The following DCBLD1 variants were observed in gnomAD, a reference collection of about 807,000 sequenced individuals.
DCBLD1 encodes the protein discoidin, CUB and LCCL domain-containing protein 1.
Under a neutral mutation model 71.5 loss-of-function variants are expected in DCBLD1, and 57 were observed. The ratio of observed to expected loss-of-function variants is 0.80; its 90% CI spans 0.64 to 0.99. The LOEUF (loss-of-function observed/expected upper bound fraction) is 0.99, where lower values mean the gene tolerates loss of function less well. DCBLD1 is among the 50% of genes least tolerant of loss of function. DCBLD1 has a pLI of 0.00. For missense variants in DCBLD1, 891 were observed against 923.5 expected, an observed-to-expected ratio of 0.96 and a Z score of 0.46; for synonymous variants, 380 against 363.8, an observed-to-expected ratio of 1.04 and a Z score of -0.51.
chr6:117,525,493 C>A, intron 5 of DCBLD1, 59 bp downstream of exon 5: 2 of 1,248,358 alleles, frequency 1.6e-6, no homozygotes, highest in Non-Finnish European at 2.1e-6. Flanking sequence ...CTTTACTCTG[C>A]CTAAATTAAT....
downstream of DCBLD1, among the ~76,000 whole-genome samples, chr6:117,550,779 G>A (rs570323090): frequency 1.4e-3 from 220 of 152,246 alleles, no homozygotes; most frequent in African/African-American, 4.7e-3. Flanking sequence ...TGTGGCCACC[G>A]GGTTGACCTC....
At chr6:117,544,306 ATTC>A (rs1415118220) in intron 12 of DCBLD1, 29 of 466,992 alleles carry the variant, frequency 6.2e-5, no homozygotes, top group Non-Finnish European at 8.9e-5. Flanking sequence ...ATTAGTATAT[ATTC>A]TTCTAGTGAA....
chr6:117,552,195 A>G (rs1779438979), downstream of DCBLD1, among the ~76,000 whole-genome samples: 1 of 152,164 alleles, frequency 6.6e-6, no homozygotes, highest in South Asian at 2.1e-4. Flanking sequence ...TTAACTGGAG[A>G]TTTAATCTTT....
At chr6:117,509,670 G>A (rs1015762327) in intron 2 of DCBLD1, among the ~76,000 whole-genome samples, 3 of 151,378 alleles carry the variant, frequency 2.0e-5, no homozygotes, top group African/African-American at 7.3e-5. Context: ...TGTTAATATT[G>A]TTTGTCTAAG....
chr6:117,504,935 C>G (rs1777789555), intron 2 of DCBLD1, among the ~76,000 whole-genome samples: 1 of 152,186 alleles, frequency 6.6e-6, no homozygotes, highest in African/African-American at 2.4e-5. Context: ...ACACACACAG[C>G]TTTCTCACCT....
chr6:117,558,754 A>G (rs1779529347), intron 14 of DCBLD1, among the ~76,000 whole-genome samples: 1 of 152,146 alleles, frequency 6.6e-6, no homozygotes, highest in Admixed American at 6.5e-5. Context: ...GCCTGACTGA[A>G]CCTAGGAGTC....
chr6:117,548,244 C>CT lies in DCBLD1; in HGVS notation c.1954dup (p.Tyr652LeufsTer31). The CT allele has an allele frequency of 6.4e-7, 1 of 1,550,630 alleles. No homozygotes were observed. The highest frequency in any genetic ancestry group is 8.7e-7 in the Non-Finnish European group (1 of 1,146,992). On this transcript the variant is annotated frameshift_variant, in exon 15 of 15. Coordinates refer to ENST00000338728, the MANE Select transcript of DCBLD1 (RefSeq NM_001366458.2). LOFTEE classifies it low-confidence loss of function (END_TRUNC). ...CGGGTGTGGGCGCCCAGGACGGAGA[C>CT]TATCAAAGGCCACACAGCGCACAGC...
chr6:117,549,780 A>G lies in DCBLD1; in HGVS notation c.*1341A>G, dbSNP rs1171646112. 5.1e-6 allele frequency: 5 copies of G among 985,274 alleles called. No homozygotes were observed. The highest frequency in any genetic ancestry group is 6.0e-6 in the Non-Finnish European group (5 of 829,940). 61.0% of individuals were successfully genotyped at this position (985,274 alleles called of 1,614,324 possible). A position where few individuals can be genotyped will look rare whatever the true frequency, so the allele number is the denominator to read the frequency against. ...GTTTTATGCGCACACTAATTGTAAT[A>G]AACTATGCCAAACCAAACTGCCCCT... On this transcript the variant is annotated 3_prime_UTR_variant, in exon 15 of 15. Transcript: ENST00000338728.
At chr6:117,538,146 A>G (rs1033493858) in intron 7 of DCBLD1, among the ~76,000 whole-genome samples, 3 of 152,210 alleles carry the variant, frequency 2.0e-5, no homozygotes, top group Non-Finnish European at 4.4e-5. Flanking sequence ...GGCATGGTAT[A>G]GTTAAGGTCC....
intron 1 of DCBLD1, among the ~76,000 whole-genome samples, chr6:117,484,071 G>A (rs965210815): frequency 1.3e-5 from 2 of 152,126 alleles, no homozygotes; most frequent in African/African-American, 4.8e-5. Context: ...TAATAAATAC[G>A]TAAGATTTTG....
chr6:117,563,479 TG>T (rs1230673742), intron 14 of DCBLD1: 1 of 1,208,052 alleles, frequency 8.3e-7, no homozygotes, highest in Non-Finnish European at 1.2e-6. Flanking sequence ...CCCAGCACTT[TG>T]AGAGGCCAAG....
chr6:117,496,646 A>T (rs1443639533), intron 1 of DCBLD1, among the ~76,000 whole-genome samples: 2 of 152,114 alleles, frequency 1.3e-5, no homozygotes, highest in Non-Finnish European at 2.9e-5. Context: ...ACCTGTTGTA[A>T]CTTGAATATT....
intron 1 of DCBLD1, among the ~76,000 whole-genome samples, chr6:117,495,398 A>T (rs1389744601): frequency 6.6e-6 from 1 of 152,224 alleles, no homozygotes; most frequent in Non-Finnish European, 1.5e-5. Flanking sequence ...GTAGCAGTTA[A>T]CATATTGAAT....
At chr6:117,498,140 A>C (rs1184990772) in intron 1 of DCBLD1, among the ~76,000 whole-genome samples, 2 of 152,200 alleles carry the variant, frequency 1.3e-5, no homozygotes, top group African/African-American at 4.8e-5. Flanking sequence ...TACATAGATC[A>C]CTTTGGGAGT....
chr6:117,539,389 A>AATT lies in DCBLD1; in HGVS notation c.1101+11_1101+12insTTA, dbSNP rs755251221. ...GAATAATGAAGAAAAGGTAAGAGGT[A>AATT]ACCCTAGAGGCAAGAGAACTGAGTA... is the stretch of plus-strand genomic sequence containing the variant. On this transcript the variant is annotated intron_variant, in intron 9 of 14. Transcript: ENST00000338728. 3 of 1,598,872 alleles carry AATT rather than the reference A, an allele frequency of 1.9e-6. No homozygotes were observed. The highest frequency in any genetic ancestry group is 1.8e-5 in the Admixed American group (1 of 54,982).
At chr6:117,537,502 C>G (rs568414759) in intron 7 of DCBLD1, among the ~76,000 whole-genome samples, 10 of 150,662 alleles carry the variant, frequency 6.6e-5, no homozygotes, top group South Asian at 4.2e-4. Context: ...CCACTGCACT[C>G]CAGCCTGGGT....
chr6:117,547,344 A>G (rs553932618), intron 14 of DCBLD1, among the ~76,000 whole-genome samples: 1 of 152,234 alleles, frequency 6.6e-6, no homozygotes, highest in African/African-American at 2.4e-5. Context: ...AAATGGAGTA[A>G]CAGTTCCTAC....
chr6:117,500,306 A>C (rs528823858), intron 1 of DCBLD1, among the ~76,000 whole-genome samples: 1 of 152,222 alleles, frequency 6.6e-6, no homozygotes. Context: ...TTCTGATGAC[A>C]GTTCGCTTTT....
At chr6:117,533,336 C>A (rs1778785947) in intron 6 of DCBLD1, among the ~76,000 whole-genome samples, 1 of 152,130 alleles carries the variant, frequency 6.6e-6, no homozygotes, top group East Asian at 1.9e-4. Flanking sequence ...TCTCCCCCTG[C>A]CCTTGCTATT....
Sources: allele counts gnomAD v4.1 joint callset (sites outside exome capture counted in the v4.1 genomes callset), GRCh38; gene constraint gnomAD v4.1.1; transcripts MANE v1.5; gene names NCBI Gene and HGNC (gene_info 2026-07-23, HGNC 2026-07-21).